Variants in TBC1D32 observed in about 807,000 individuals in gnomAD.
The protein encoded by TBC1D32 is TBC1 domain family member 32.
A neutral mutation model predicts 170.3 loss-of-function variants in TBC1D32; 151 were observed. The observed-to-expected ratio is 0.89, with a 90% CI of 0.78 to 1.01. The LOEUF (loss-of-function observed/expected upper bound fraction) is 1.01, where lower values mean the gene tolerates loss of function less well. Ranked by LOEUF, TBC1D32 falls within the 50% of genes least tolerant of loss-of-function variation. TBC1D32 has a pLI of 0.00. For missense variants in TBC1D32, 1,464 were observed against 1,457.1 expected (o/e 1.00, Z -0.08); for synonymous variants, 498 against 488.0 (o/e 1.02, Z -0.27).
chr6:121,223,106 T>C, intron 21 of TBC1D32, 130 bp downstream of exon 21: 1 of 593,062 alleles, frequency 1.7e-6, no homozygotes, highest in Non-Finnish European at 2.9e-6. Context: ...TCATGCATGA[T>C]TAATCAAATC....
intron 19 of TBC1D32, among the ~76,000 whole-genome samples, chr6:121,240,147 G>A (rs1029205920): frequency 1.3e-5 from 2 of 152,042 alleles, no homozygotes; most frequent in African/African-American, 4.8e-5. Context: ...AGAAACTGTA[G>A]TCTTCCTCCT....
Position 121,256,302 on chromosome 6 carries a change from G to A in TBC1D32, c.1734-17C>T. 6.3e-7 allele frequency: 1 copy of A among 1,588,414 alleles called. No homozygotes were observed. The highest frequency in any genetic ancestry group is 8.6e-7 in the Non-Finnish European group (1 of 1,165,122). ...CCTGTAGGACTAAAAGATGATACCTGAAAGTGATTCCAAGGTTATATTAAT... is the reference window on the plus strand; with the variant it reads ...CCTGTAGGACTAAAAGATGATACCTAAAAGTGATTCCAAGGTTATATTAAT... On this transcript the variant is annotated splice_polypyrimidine_tract_variant and intron_variant, in intron 15 of 31. Coordinates refer to ENST00000398212, the MANE Select transcript of TBC1D32 (RefSeq NM_152730.6).
chr6:121,090,718 A>T, intron 31 of TBC1D32, 135 bp downstream of exon 31: 1 of 737,070 alleles, frequency 1.4e-6, no homozygotes, highest in Non-Finnish European at 2.2e-6. Context: ...CATCTCTAAA[A>T]TGGGGATGAT....
At chr6:121,241,167 T>C (rs190505926) in intron 19 of TBC1D32, among the ~76,000 whole-genome samples, 1 of 152,128 alleles carries the variant, frequency 6.6e-6, no homozygotes, top group Non-Finnish European at 1.5e-5. Context: ...ATTTATAAGA[T>C]GAAGGAAGAT....
intron 21 of TBC1D32, among the ~76,000 whole-genome samples, chr6:121,210,684 G>A (rs1246912227): frequency 6.6e-6 from 1 of 152,150 alleles, no homozygotes; most frequent in Non-Finnish European, 1.5e-5. Context: ...GATTATGGGG[G>A]TGGGCTTGAC....
intron 15 of TBC1D32, among the ~76,000 whole-genome samples, chr6:121,269,356 T>A (rs1801019185): frequency 6.6e-6 from 1 of 152,104 alleles, no homozygotes; most frequent in South Asian, 2.1e-4. Context: ...GTGTGCTATA[T>A]TCAGGAGACC....
chr6:121,103,428 T>A (rs1053982753), intron 30 of TBC1D32, among the ~76,000 whole-genome samples: 21 of 151,888 alleles, frequency 1.4e-4, no homozygotes. Flanking sequence ...GTTCATGTCC[T>A]TTGTAGGGAC....
At chr6:121,106,794 T>C (rs1778731724) in intron 29 of TBC1D32, among the ~76,000 whole-genome samples, 1 of 151,994 alleles carries the variant, frequency 6.6e-6, no homozygotes, top group Non-Finnish European at 1.5e-5. Context: ...TTTATTTCCA[T>C]ATAATTTTAT....
At chr6:121,260,129 CA>C (rs1799572844) in intron 15 of TBC1D32, among the ~76,000 whole-genome samples, 3 of 152,062 alleles carry the variant, frequency 2.0e-5, no homozygotes, top group Admixed American at 1.3e-4. Context: ...CAAAATGCCA[CA>C]GAAAGGGCCC....
At chr6:121,125,434 G>A (rs1450115289) in intron 26 of TBC1D32, among the ~76,000 whole-genome samples, 3 of 152,094 alleles carry the variant, frequency 2.0e-5, no homozygotes, top group African/African-American at 7.2e-5. Flanking sequence ...AGGAAGACTG[G>A]AGTTGAGACT....
chr6:121,239,984 C>G (rs1796747511), intron 19 of TBC1D32, among the ~76,000 whole-genome samples: 1 of 152,128 alleles, frequency 6.6e-6, no homozygotes. Context: ...ATTAGCTGTT[C>G]ATCCTTGCAA....
At chr6:121,086,923 T>C (rs1776323477) in intron 31 of TBC1D32, among the ~76,000 whole-genome samples, 1 of 152,206 alleles carries the variant, frequency 6.6e-6, no homozygotes, top group African/African-American at 2.4e-5. Context: ...TATTACAGAA[T>C]ATTTACTTTG....
rs1313036595 is a variant in TBC1D32 at position 121,085,146 on chromosome 6, AGTTCTGCTCTTT to A, written c.3655-4268_3655-4257del. 3.3e-5 allele frequency among the ~76,000 whole-genome samples: 5 copies of A among 150,686 alleles called. No homozygotes were observed. The Admixed American group carries it at 3.3e-4, about 10-fold the overall frequency. ...TGAGAGAAGGAGGATTTATGAATATAGTTCTGCTCTTTACCCTTACTAGAGATAATCTTTTTG... is the reference window on the plus strand; with the variant it reads ...TGAGAGAAGGAGGATTTATGAATATAACCCTTACTAGAGATAATCTTTTTG... On this transcript the variant is annotated intron_variant, in intron 31 of 31. Transcript: ENST00000398212.
In TBC1D32 at chr6:121,255,337, G is replaced by A; in HGVS notation, c.2009C>T (p.Ser670Phe). 6.4e-7 allele frequency: 1 copy of A among 1,566,292 alleles called. No individual in the cohort carries two copies. The part of the protein sequence containing the change: ...SDSVSSVSQE[S>F]QNIMAWEDNL... Reference sequence around the variant, plus strand: ...CATCAATTGTACTTACATGTTTTGGGATTCCTGGCTTACTGAAGAAACAGA... The same window carrying A: ...CATCAATTGTACTTACATGTTTTGGAATTCCTGGCTTACTGAAGAAACAGA... The change falls in exon 17 of 32, where the codon TCC becomes TTC. Residue 670 changes from serine to phenylalanine, a missense_variant. By Grantham distance (155) the Ser-to-Phe change is radical. Around this residue, in one of 3 missense-constraint regions of TBC1D32, gnomAD observed 1,363 missense variants for 1,338.1 expected, o/e 1.02. Transcript: ENST00000398212.
intron 24 of TBC1D32, among the ~76,000 whole-genome samples, chr6:121,142,588 T>TG (rs1782929301): frequency 6.6e-6 from 1 of 152,184 alleles, no homozygotes; most frequent in South Asian, 2.1e-4. Context: ...GGAAGCTAGA[T>TG]GGGGAAATAA....
Position 121,202,869 on chromosome 6 carries a change from C to T in TBC1D32, c.2570+2206G>A, listed in dbSNP as rs182847433. ...TTTAAACAGAATGTGATGCTGTTCA[C>T]GCCACATTTCACTAAGCCTCATATT... is the stretch of plus-strand genomic sequence containing the variant. On this transcript the variant is annotated intron_variant, in intron 22 of 31. Coordinates refer to ENST00000398212, the MANE Select transcript of TBC1D32 (RefSeq NM_152730.6). Among the ~76,000 whole-genome samples, 86 of 151,392 alleles carry T rather than the reference C, an allele frequency of 5.7e-4. 1 individual carries two copies. Among genetic ancestry groups the T allele is most frequent in the Admixed American group, 1.2e-3 (18 of 15,258 alleles).
At chr6:121,096,268 C>G (rs1777394639) in intron 30 of TBC1D32, 2 of 151,726 alleles carry the variant, frequency 1.3e-5, no homozygotes, top group Non-Finnish European at 2.9e-5. Context: ...TCTGTGGGAT[C>G]AATGGTGATA....
chr6:121,149,434 A>G (rs1783916094), intron 24 of TBC1D32, among the ~76,000 whole-genome samples: 1 of 152,172 alleles, frequency 6.6e-6, no homozygotes. Flanking sequence ...TAATCTTTGT[A>G]TAAGTTATAA....
intron 24 of TBC1D32, among the ~76,000 whole-genome samples, chr6:121,146,200 C>A (rs896472861): frequency 6.6e-6 from 1 of 152,166 alleles, no homozygotes; most frequent in Non-Finnish European, 1.5e-5. Flanking sequence ...GTAACTGGCT[C>A]ATGTGATTAT....
Sources: allele counts gnomAD v4.1 joint callset (sites outside exome capture counted in the v4.1 genomes callset), GRCh38; gene constraint gnomAD v4.1.1; regional missense constraint gnomAD v4.1.1; transcripts MANE v1.5; gene names NCBI Gene and HGNC (gene_info 2026-07-23, HGNC 2026-07-21).